ULK4: variants seen among roughly 807,000 people sequenced by gnomAD.
The protein encoded by ULK4 is unc-51 like kinase 4, also known as inactive serine/threonine-protein kinase ULK4.
ULK4 carries 133 observed loss-of-function variants against 160.6 expected under a neutral mutation model. That is an observed-to-expected ratio of 0.83 (90% CI 0.72 to 0.96). ULK4 has a LOEUF of 0.96. Ranked by LOEUF, ULK4 falls within the 40% of genes least tolerant of loss-of-function variation. ULK4 has a pLI of 0.00. For synonymous variants in ULK4, 534 were observed against 539.8 expected (o/e 0.99, Z 0.15); for missense variants, 1,580 against 1,499.5 (o/e 1.05, Z -0.89).
intron 8 of ULK4, chr3:41,915,304 G>T (rs1698928548): frequency 6.6e-6 from 1 of 152,058 alleles, no homozygotes; most frequent in African/African-American, 2.4e-5. Flanking sequence ...TAAAAGAATG[G>T]ATTCTTGTAT....
intron 31 of ULK4, among the ~76,000 whole-genome samples, chr3:41,579,917 A>G (rs2030140815): frequency 6.6e-6 from 1 of 152,160 alleles, no homozygotes; most frequent in Non-Finnish European, 1.5e-5. Context: ...ACCCAAAGAC[A>G]GGGAGCAGAA....
chr3:41,854,245 C>G (rs1194578762), intron 17 of ULK4: 2 of 152,316 alleles, frequency 1.3e-5, no homozygotes, highest in Non-Finnish European at 2.9e-5. Flanking sequence ...CAAAGTACAG[C>G]CTGCTCAGCC....
intron 31 of ULK4, among the ~76,000 whole-genome samples, chr3:41,586,523 G>A (rs933506157): frequency 1.3e-5 from 2 of 152,094 alleles, no homozygotes; most frequent in African/African-American, 4.8e-5. Flanking sequence ...ATGTTTAACG[G>A]AAACATAGTT....
At chr3:41,275,070 T>C (rs1043447653) in intron 35 of ULK4, among the ~76,000 whole-genome samples, 25 of 152,268 alleles carry the variant, frequency 1.6e-4, no homozygotes, top group African/African-American at 6.0e-4. Flanking sequence ...TGTCCCACAA[T>C]CCTCATGAGA....
chr3:41,781,619 A>C (rs1245442624), intron 21 of ULK4, among the ~76,000 whole-genome samples: 1 of 152,208 alleles, frequency 6.6e-6, no homozygotes, highest in African/African-American at 2.4e-5. Context: ...GAATGTATAT[A>C]AATGAAGTAG....
chr3:41,506,570 C>G (rs994365047), intron 32 of ULK4, among the ~76,000 whole-genome samples: 9 of 151,508 alleles, frequency 5.9e-5, no homozygotes, highest in Non-Finnish European at 1.3e-4. Context: ...TTTTTGGAAT[C>G]TTCTAAGATT....
chr3:41,772,576 T>C (rs184297637), intron 21 of ULK4, among the ~76,000 whole-genome samples: 4 of 152,150 alleles, frequency 2.6e-5, no homozygotes, highest in East Asian at 3.9e-4. Context: ...CGGCAATAAT[T>C]AATAGCTTAT....
intron 32 of ULK4, among the ~76,000 whole-genome samples, chr3:41,483,444 C>T (rs929344680): frequency 3.9e-5 from 6 of 152,132 alleles, no homozygotes; most frequent in African/African-American, 1.4e-4. Flanking sequence ...ACCCCCACAC[C>T]CCCATATAGT....
At chr3:41,859,709 G>A in intron 17 of ULK4, 1 of 364,746 alleles carries the variant, frequency 2.7e-6, no homozygotes. Context: ...CCAGGCTGGA[G>A]TGCAGTGGCA....
chr3:41,361,848 C>T (rs2081151896), intron 35 of ULK4, among the ~76,000 whole-genome samples: 1 of 152,084 alleles, frequency 6.6e-6, no homozygotes, highest in South Asian at 2.1e-4. Context: ...GGGAAGTCAG[C>T]TGTTTTTGTA....
At chr3:41,405,513 A>C (rs941142423) in intron 34 of ULK4, among the ~76,000 whole-genome samples, 14 of 152,164 alleles carry the variant, frequency 9.2e-5, no homozygotes, top group African/African-American at 3.4e-4. Flanking sequence ...CTGCTGAGTC[A>C]AACAGTAATT....
At chr3:41,764,603 CTTAGACAAACA>C (rs2039098260) in intron 21 of ULK4, among the ~76,000 whole-genome samples, 4 of 152,110 alleles carry the variant, frequency 2.6e-5, no homozygotes, top group Non-Finnish European at 5.9e-5. Context: ...AAATGTAGGA[CTTAGACAAACA>C]AAACTACAGA....
At chr3:41,536,619 G>A (rs557760554) in intron 32 of ULK4, among the ~76,000 whole-genome samples, 2 of 152,228 alleles carry the variant, frequency 1.3e-5, no homozygotes, top group Admixed American at 1.3e-4. Context: ...AAGTAAGCTA[G>A]AGAAAAGAAA....
chr3:41,370,463 C>G (rs1292370084), intron 35 of ULK4, among the ~76,000 whole-genome samples: 1 of 152,170 alleles, frequency 6.6e-6, no homozygotes, highest in Non-Finnish European at 1.5e-5. Flanking sequence ...GCTCATCTCA[C>G]TGGGACTGGT....
intron 35 of ULK4, among the ~76,000 whole-genome samples, chr3:41,355,884 GAT>G (rs1228929510): frequency 3.9e-5 from 6 of 152,078 alleles, no homozygotes; most frequent in African/African-American, 1.2e-4. Flanking sequence ...TTCATTACTG[GAT>G]ATGCTAAAGT....
In ULK4 at chr3:41,907,888, T is replaced by A; in HGVS notation, c.1139A>T (p.Asp380Val). Residue 380 changes from aspartate to valine, a missense_variant, in exon 12 of 37, where the codon GAT becomes GTT. Physicochemically the swap from Asp to Val is radical, Grantham distance 152 (BLOSUM62 -3). Transcript: ENST00000301831. ...STAVEVSPGE[D>V]MTHCSPQKTS... ...CTTCTGTGGTGAACAGTGAGTCATA[T>A]CCTCACCAGGACTTACTTCCACTGC... is the stretch of plus-strand genomic sequence containing the variant. The A allele has an allele frequency of 6.2e-7, 1 of 1,605,126 alleles. No homozygotes were observed. The highest frequency in any genetic ancestry group is 8.5e-7 in the Non-Finnish European group (1 of 1,176,284).
At chr3:41,304,267 C>A (rs2079856990) in intron 35 of ULK4, among the ~76,000 whole-genome samples, 2 of 99,252 alleles carry the variant, frequency 2.0e-5, no homozygotes, top group Admixed American at 1.0e-4. Context: ...GAGCAAAGCT[C>A]CCCCTCAAAA....
intron 31 of ULK4, among the ~76,000 whole-genome samples, chr3:41,570,145 G>T (rs79269712): frequency 5.8e-4 from 89 of 152,320 alleles, no homozygotes; most frequent in African/African-American, 2.1e-3. Flanking sequence ...TTTCTCAGCA[G>T]ATTTGTACCT....
At chr3:41,471,931 T>G (rs971082648) in intron 32 of ULK4, among the ~76,000 whole-genome samples, 30 of 125,342 alleles carry the variant, frequency 2.4e-4, no homozygotes, top group African/African-American at 1.1e-3. Flanking sequence ...TAATGTTATA[T>G]CTCAAAAAAA....
Sources: gnomAD v4.1 joint callset for allele counts (sites outside exome capture counted in the v4.1 genomes callset) on GRCh38, gnomAD v4.1.1 for gene constraint, MANE v1.5 for transcripts, NCBI Gene and HGNC (gene_info 2026-07-23, HGNC 2026-07-21) for gene names.